Variants in ZRANB3 observed in about 807,000 individuals in gnomAD.
ZRANB3 encodes DNA annealing helicase and endonuclease ZRANB3.
Under a neutral mutation model 133.8 loss-of-function variants are expected in ZRANB3, and 125 were observed. The observed-to-expected ratio is 0.93, with a 90% CI of 0.81 to 1.08. The LOEUF is 1.08. Ranked by LOEUF, ZRANB3 falls within the 50% of genes least tolerant of loss-of-function variation. The pLI, the probability that ZRANB3 is intolerant of heterozygous loss-of-function variation, is 0.00. For synonymous variants in ZRANB3, 387 were observed against 432.7 expected (o/e 0.89, Z 1.31); for missense variants, 1,229 against 1,275.5 (o/e 0.96, Z 0.56).
chr2:135,404,608 A>T (rs904727787), intron 2 of ZRANB3, among the ~76,000 whole-genome samples: 7 of 152,172 alleles, frequency 4.6e-5, no homozygotes, highest in African/African-American at 1.7e-4. Context: ...GAATGCTACA[A>T]AGATACTCCT....
chr2:135,292,404 G>T (rs546061950), intron 8 of ZRANB3, among the ~76,000 whole-genome samples: 1 of 152,172 alleles, frequency 6.6e-6, no homozygotes, highest in African/African-American at 2.4e-5. Context: ...CTTTTGAGAA[G>T]TGTCTGTTCA....
At chr2:135,398,214 C>T (rs1439082051) in intron 2 of ZRANB3, among the ~76,000 whole-genome samples, 6 of 151,734 alleles carry the variant, frequency 4.0e-5, no homozygotes, top group African/African-American at 1.2e-4. Flanking sequence ...TATAGGTGCC[C>T]GCCACCACAC....
intron 2 of ZRANB3, among the ~76,000 whole-genome samples, chr2:135,419,121 T>C (rs1468365174): frequency 6.6e-6 from 1 of 151,542 alleles, no homozygotes; most frequent in African/African-American, 2.4e-5. Flanking sequence ...GTATTTTTAG[T>C]AGAGATGGGG....
intron 3 of ZRANB3, among the ~76,000 whole-genome samples, chr2:135,358,648 A>G (rs542587944): frequency 6.6e-6 from 1 of 152,332 alleles, no homozygotes; most frequent in Admixed American, 6.5e-5. Flanking sequence ...CATTTTAAAA[A>G]GAAAAAAAAG....
chr2:135,385,371 G>C (rs1345902992), intron 3 of ZRANB3, among the ~76,000 whole-genome samples: 1 of 152,188 alleles, frequency 6.6e-6, no homozygotes, highest in Non-Finnish European at 1.5e-5. Flanking sequence ...AACATTCCAT[G>C]CTCATGGGTA....
intron 2 of ZRANB3, among the ~76,000 whole-genome samples, chr2:135,454,810 T>C (rs1211940305): frequency 6.6e-6 from 1 of 152,206 alleles, no homozygotes; most frequent in African/African-American, 2.4e-5. Context: ...GGTATATACA[T>C]ACCACACTTA....
At chr2:135,290,713 G>A (rs369135772) in intron 8 of ZRANB3, among the ~76,000 whole-genome samples, 20 of 146,496 alleles carry the variant, frequency 1.4e-4, no homozygotes, top group African/African-American at 5.1e-4. Flanking sequence ...CAGGCCCTGT[G>A]AGATTTATGC....
intron 8 of ZRANB3, 118 bp from the exon 9 acceptor site, chr2:135,275,873 C>CAGCTAA: frequency 1.3e-6 from 1 of 777,136 alleles, no homozygotes; most frequent in Non-Finnish European, 1.8e-6. Context: ...CTTTTAGCTG[C>CAGCTAA]ATTGTTCTCT....
At chr2:135,264,529 G>A (rs562689247) in intron 12 of ZRANB3, among the ~76,000 whole-genome samples, 44 of 151,160 alleles carry the variant, frequency 2.9e-4, no homozygotes, top group Non-Finnish European at 6.2e-4. Context: ...GGTGATTCAT[G>A]CAAATATCAT....
intron 3 of ZRANB3, among the ~76,000 whole-genome samples, chr2:135,376,851 C>T (rs1335866810): frequency 3.3e-5 from 5 of 151,982 alleles, no homozygotes; most frequent in African/African-American, 7.3e-5. Context: ...TAAAAATAAC[C>T]GAGGAGGGCA....
chr2:135,357,302 T>C (rs1167353974), intron 3 of ZRANB3, among the ~76,000 whole-genome samples: 1 of 151,656 alleles, frequency 6.6e-6, no homozygotes, highest in African/African-American at 2.4e-5. Context: ...GGGTTTTTGT[T>C]TTCTTTTTCT....
chr2:135,420,504 A>G (rs1206129674), intron 2 of ZRANB3, among the ~76,000 whole-genome samples: 2 of 152,122 alleles, frequency 1.3e-5, no homozygotes, highest in Non-Finnish European at 2.9e-5. Context: ...CAAATATACC[A>G]TATAAAAGAA....
intron 17 of ZRANB3, among the ~76,000 whole-genome samples, chr2:135,215,753 C>T (rs1218417210): frequency 1.3e-5 from 2 of 152,062 alleles, no homozygotes; most frequent in African/African-American, 2.4e-5. Flanking sequence ...TCCAGAAATC[C>T]TCAAGTTTTA....
At chr2:135,446,206 C>CA (rs200864291) in intron 2 of ZRANB3, among the ~76,000 whole-genome samples, 24,153 of 98,624 alleles carry the variant, frequency 0.24, 2,542 homozygotes, top group South Asian at 0.4. Context: ...AACTCAATCT[C>CA]AAAAAAAAAA....
intron 2 of ZRANB3, among the ~76,000 whole-genome samples, chr2:135,448,553 C>T (rs1018041930): frequency 1.3e-5 from 2 of 152,112 alleles, no homozygotes; most frequent in Admixed American, 6.6e-5. Context: ...GACTTTATGC[C>T]AATTGCTGAT....
At chr2:135,369,654 T>C (rs532647083) in intron 3 of ZRANB3, among the ~76,000 whole-genome samples, 21 of 152,278 alleles carry the variant, frequency 1.4e-4, no homozygotes, top group African/African-American at 4.8e-4. Context: ...GCCGAAAAAG[T>C]GAGACCACTA....
In ZRANB3 at chr2:135,481,899, C is replaced by G. The variant is rs921388769; in HGVS notation, c.161+22430G>C. Among the ~76,000 whole-genome samples, 53 of 146,088 alleles carry G rather than the reference C, an allele frequency of 3.6e-4. 1 individual carries two copies. Among genetic ancestry groups the G allele is most frequent in the South Asian group, 6.5e-4 (3 of 4,590 alleles). ...TCCTTTCCCCATTGCTTGTTTTTCT[C>G]AGGTTTGTCAAAGATCAGATAGTTG... On this transcript the variant is annotated intron_variant, in intron 2 of 20. Coordinates refer to ENST00000264159, the MANE Select transcript of ZRANB3 (RefSeq NM_032143.4).
chr2:135,314,752 C>CT lies in ZRANB3; in HGVS notation c.849+606dup, dbSNP rs11305622. On this transcript the variant is annotated intron_variant, in intron 7 of 20. Transcript: ENST00000264159. ...GGTTTCACACCTTCTATTTAGAATT[C>CT]TTTTTTTTTTTTTTGAGATGGAGTC... 5.8e-3 allele frequency among the ~76,000 whole-genome samples: 829 copies of CT among 143,630 alleles called. 4 individuals are homozygous for CT. The highest frequency in any genetic ancestry group is 0.014 in the Middle Eastern group (4 of 288). The allele number at this position is 143,630 out of a possible 152,430, so 94.2% of individuals were successfully genotyped here.
At position 135,452,354 on chromosome 2, in the gene ZRANB3, C is replaced by A. The variant is rs1690315201; in HGVS notation, c.161+51975G>T. ...GAATGGGTACACAGCCAAACCATAT[C>A]ATTCCCCCCATGGCCCCTCCAAATT... On this transcript the variant is annotated intron_variant, in intron 2 of 20. Coordinates refer to ENST00000264159, the MANE Select transcript of ZRANB3 (RefSeq NM_032143.4). 2.0e-5 allele frequency among the ~76,000 whole-genome samples: 3 copies of A among 152,132 alleles called. No individual in the cohort carries two copies. The South Asian group carries it at 6.2e-4, about 32-fold the overall frequency.
Sources: gnomAD v4.1 joint callset for allele counts (sites outside exome capture counted in the v4.1 genomes callset) on GRCh38, gnomAD v4.1.1 for gene constraint, MANE v1.5 for transcripts, NCBI Gene and HGNC (gene_info 2026-07-23, HGNC 2026-07-21) for gene names.